Variants in SCIN observed in about 807,000 individuals in gnomAD.
SCIN encodes adseverin.
In SCIN, 91 loss-of-function variants were observed where a neutral mutation model predicts 91.8. The ratio of observed to expected loss-of-function variants is 0.99; its 90% CI spans 0.84 to 1.18. SCIN has a LOEUF of 1.18. SCIN is among the 50% of genes most tolerant of loss of function. The pLI is 0.00. For synonymous variants in SCIN, 367 were observed against 312.6 expected, an observed-to-expected ratio of 1.17 and a Z score of -1.84; for missense variants, 1,087 against 863.9, an observed-to-expected ratio of 1.26 and a Z score of -3.24.
chr7:12,618,681 C>T (rs964640629), intron 4 of SCIN, among the ~76,000 whole-genome samples: 4 of 152,026 alleles, frequency 2.6e-5, no homozygotes, highest in Non-Finnish European at 4.4e-5. Context: ...CATAAAATGC[C>T]TTGCAGCAAG....
At chr7:12,590,266 G>T (rs1407103876) in intron 3 of SCIN, among the ~76,000 whole-genome samples, 1 of 152,194 alleles carries the variant, frequency 6.6e-6, no homozygotes, top group Non-Finnish European at 1.5e-5. Flanking sequence ...TTGTCCTCTT[G>T]ACGGGATGAA....
rs1784232630 is a variant in SCIN at position 12,660,049 on chromosome 7, A to G, written c.*7334A>G. 6.6e-6 allele frequency: 1 copy of G among 152,178 alleles called. No homozygotes were observed. Among genetic ancestry groups the G allele is most frequent in the Non-Finnish European group, 1.5e-5 (1 of 68,106 alleles). 9.4% of individuals were successfully genotyped at this position (152,178 alleles called of 1,614,324 possible). A position where few individuals can be genotyped will look rare whatever the true frequency, so the allele number is the denominator to read the frequency against. On this transcript the variant is annotated 3_prime_UTR_variant, in exon 16 of 16. Transcript: ENST00000297029. ...GAGATCCACCCCCTGCCAGCAAAAC[A>G]TTGCTCCTGACTCCACCGCCTATCC...
intron 1 of SCIN, among the ~76,000 whole-genome samples, chr7:12,572,843 A>G (rs1171671438): frequency 1.3e-5 from 2 of 152,246 alleles, no homozygotes; most frequent in Non-Finnish European, 2.9e-5. Context: ...TATGGCCAGT[A>G]CTGTACAAGG....
intron 10 of SCIN, among the ~76,000 whole-genome samples, chr7:12,640,063 C>A (rs1290291742): frequency 1.3e-5 from 2 of 152,160 alleles, no homozygotes; most frequent in Non-Finnish European, 2.9e-5. Flanking sequence ...AGACTTACAT[C>A]TTCATACTTT....
intron 3 of SCIN, among the ~76,000 whole-genome samples, chr7:12,598,493 G>A (rs1782888011): frequency 1.3e-5 from 2 of 152,036 alleles, no homozygotes; most frequent in African/African-American, 2.4e-5. Context: ...CACACATGGT[G>A]GAATATACAT....
At chr7:12,618,532 G>C (rs988898489) in intron 4 of SCIN, among the ~76,000 whole-genome samples, 2 of 152,132 alleles carry the variant, frequency 1.3e-5, no homozygotes, top group African/African-American at 4.8e-5. Flanking sequence ...CACTGAGAGA[G>C]AGCAGCAGAG....
At chr7:12,619,449 A>T (rs769809701) in intron 4 of SCIN, among the ~76,000 whole-genome samples, 1 of 152,150 alleles carries the variant, frequency 6.6e-6, no homozygotes, top group Non-Finnish European at 1.5e-5. Flanking sequence ...AGAGTATAGC[A>T]ATTGTTTCTT....
intron 6 of SCIN, among the ~76,000 whole-genome samples, chr7:12,625,428 ATTCTTTTTT>A (rs1449494175): frequency 4.2e-5 from 3 of 70,788 alleles, no homozygotes; most frequent in African/African-American, 1.6e-4. Flanking sequence ...AATTTTTGCT[ATTCTTTTTT>A]TTTTTTTTTT....
chr7:12,577,352 A>T (rs539271674), intron 1 of SCIN, among the ~76,000 whole-genome samples: 13 of 152,332 alleles, frequency 8.5e-5, no homozygotes, highest in African/African-American at 2.9e-4. Context: ...CACAAACATC[A>T]GTTAACATAT....
At chr7:12,583,482 C>G (rs1219254707) in intron 3 of SCIN, among the ~76,000 whole-genome samples, 1 of 152,058 alleles carries the variant, frequency 6.6e-6, no homozygotes, top group Non-Finnish European at 1.5e-5. Context: ...TTTTTCTATT[C>G]CTACTTTACA....
chr7:12,620,815 G>T (rs368283472), intron 4 of SCIN, among the ~76,000 whole-genome samples: 4 of 152,000 alleles, frequency 2.6e-5, no homozygotes, highest in East Asian at 1.9e-4. Flanking sequence ...TTTAGATGAC[G>T]GCAATACTTT....
intron 3 of SCIN, among the ~76,000 whole-genome samples, chr7:12,598,073 A>G (rs956776295): frequency 1.3e-5 from 2 of 152,220 alleles, no homozygotes; most frequent in Non-Finnish European, 2.9e-5. Context: ...TGTTTGCTTT[A>G]CAATTTTCAG....
At chr7:12,571,959 A>T (rs1260814903) in intron 1 of SCIN, among the ~76,000 whole-genome samples, 3 of 152,152 alleles carry the variant, frequency 2.0e-5, no homozygotes, top group Non-Finnish European at 2.9e-5. Flanking sequence ...CTTCTTTTAA[A>T]ACTAGCTAGC....
intron 2 of SCIN, 40 bp downstream of exon 2, chr7:12,578,258 C>T (rs1355596330): frequency 7.3e-6 from 11 of 1,511,486 alleles, no homozygotes; most frequent in Non-Finnish European, 9.8e-6. Flanking sequence ...ATCCCTTTCT[C>T]CTCTTGTCCA....
At chr7:12,622,141 C>G (rs76297622) in intron 4 of SCIN, among the ~76,000 whole-genome samples, 2 of 151,910 alleles carry the variant, frequency 1.3e-5, no homozygotes, top group African/African-American at 4.8e-5. Context: ...AAATTCAAAG[C>G]AGATTCAAAT....
At chr7:12,625,530 C>A (rs770838974) in intron 6 of SCIN, among the ~76,000 whole-genome samples, 2 of 150,102 alleles carry the variant, frequency 1.3e-5, no homozygotes, top group Non-Finnish European at 3.0e-5. Flanking sequence ...GGGCTTTCAC[C>A]GTGTTAGCCA....
chr7:12,634,466 C>A (rs1311424903), intron 9 of SCIN, among the ~76,000 whole-genome samples: 3 of 145,522 alleles, frequency 2.1e-5, no homozygotes, highest in Non-Finnish European at 4.5e-5. Context: ...GCCTGGGCAA[C>A]AAGAGCGAAA....
At position 12,578,176 on chromosome 7, in the gene SCIN, T is replaced by G. The variant is rs1417624434; in HGVS notation, c.312T>G (p.Ser104=). 1 of 1,550,218 alleles carries G rather than the reference T, an allele frequency of 6.5e-7. No homozygotes were observed. The highest frequency in any genetic ancestry group is 8.7e-7 in the Non-Finnish European group (1 of 1,146,212). Residue 104 remains serine, a synonymous_variant, in exon 2 of 16, where the codon TCT becomes TCG. Transcript: ENST00000297029. ...ATAGAGAACTTCAAGGATATGAGTC[T>G]AATGACTTTGTTAGCTATTTCAAAG... is the stretch of plus-strand genomic sequence containing the variant. ...VQNRELQGYE[S]NDFVSYFKGG... is the part of the protein sequence containing the mutation.
chr7:12,587,436 T>C (rs982316026), intron 3 of SCIN, among the ~76,000 whole-genome samples: 2 of 152,240 alleles, frequency 1.3e-5, no homozygotes, highest in East Asian at 3.9e-4. Flanking sequence ...GGTGTAGTCA[T>C]TCCATTAATT....
Sources: allele counts gnomAD v4.1 joint callset (sites outside exome capture counted in the v4.1 genomes callset), GRCh38; gene constraint gnomAD v4.1.1; transcripts MANE v1.5; gene names NCBI Gene and HGNC (gene_info 2026-07-23, HGNC 2026-07-21).